PCDHA8: variants seen among roughly 807,000 people sequenced by gnomAD.
The protein encoded by PCDHA8 is protocadherin alpha 8.
PCDHA8 carries 53 observed loss-of-function variants against 61.8 expected under a neutral mutation model. That is an observed-to-expected ratio of 0.86 (90% CI 0.69 to 1.08). The LOEUF is 1.08. Among genes scored for constraint, PCDHA8 ranks in the 50% least tolerant of loss-of-function variants. The pLI is 0.00. For missense variants in PCDHA8, 1,293 were observed against 1,245.0 expected, an observed-to-expected ratio of 1.04 and a Z score of -0.58; for synonymous variants, 618 against 556.6, an observed-to-expected ratio of 1.11 and a Z score of -1.55.
intron 1 of PCDHA8, chr5:140,869,446 C>A (rs2051137912): frequency 1.2e-6 from 2 of 1,614,070 alleles, no homozygotes; most frequent in Admixed American, 1.7e-5. Context: ...CAGGCCGCTG[C>A]AGGTTTTCCA....
rs17119334 is a variant in PCDHA8, at chr5:140,988,093, G to A, written c.2542+5530G>A. On this transcript the variant is annotated intron_variant, in intron 3 of 3. Coordinates refer to ENST00000531613, the MANE Select transcript of PCDHA8 (RefSeq NM_018911.3). ...CTATTTCATGAGTGAGTGCAGCCTCGGGCCTTGTTGGAGAATTTAGAAAGC... is the reference window on the plus strand; with the variant it reads ...CTATTTCATGAGTGAGTGCAGCCTCAGGCCTTGTTGGAGAATTTAGAAAGC... Among the ~76,000 whole-genome samples the A allele has an allele frequency of 6.9e-3, 1,055 of 152,154 alleles. 47 individuals are homozygous for A. The East Asian group carries it at 0.14, about 21-fold the overall frequency.
At chr5:140,844,807 A>G (rs2150373870) in intron 1 of PCDHA8, among the ~76,000 whole-genome samples, 3 of 148,778 alleles carry the variant, frequency 2.0e-5, no homozygotes, top group Non-Finnish European at 3.0e-5. Context: ...TCTTTCTTTT[A>G]TTTCTTCTTG....
chr5:141,010,031 A>G lies in PCDHA8; in HGVS notation c.*94A>G, dbSNP rs113710382. The stretch of plus-strand genomic sequence containing the variant: ...TTCCCTGCTCCTTTTTCCTATCTAC[A>G]TGAGCCCTCTTAGAGACCTCAGAAA... On this transcript the variant is annotated 3_prime_UTR_variant, in exon 4 of 4. Transcript: ENST00000531613. 1.9e-6 allele frequency: 3 copies of G among 1,581,690 alleles called. No individual in the cohort carries two copies. The highest frequency in any genetic ancestry group is 2.6e-6 in the Non-Finnish European group (3 of 1,166,446).
intron 1 of PCDHA8, among the ~76,000 whole-genome samples, chr5:140,961,914 C>T (rs192184): frequency 0.56 from 84,843 of 150,390 alleles, 24,472 homozygotes; most frequent in African/African-American, 0.69. Context: ...GATGGAGTCT[C>T]GCTCTGTTGC....
intron 1 of PCDHA8, among the ~76,000 whole-genome samples, chr5:140,914,496 C>A (rs782459538): frequency 1.2e-4 from 19 of 152,136 alleles, no homozygotes; most frequent in Non-Finnish European, 4.4e-5. Context: ...TTGTGGGCAA[C>A]AGATCATTGG....
chr5:140,940,253 A>G (rs1216858680), intron 1 of PCDHA8, among the ~76,000 whole-genome samples: 1 of 152,124 alleles, frequency 6.6e-6, no homozygotes, highest in Middle Eastern at 3.2e-3. Context: ...CCTCCTCAAT[A>G]TCTTCTGGGT....
intron 1 of PCDHA8, chr5:140,968,757 A>G (rs1488596963): frequency 6.2e-7 from 1 of 1,614,204 alleles, no homozygotes; most frequent in Non-Finnish European, 8.5e-7. Flanking sequence ...GTGGTCCGAG[A>G]TAATGGAGAG....
At chr5:140,872,485 G>A (rs978511800) in intron 1 of PCDHA8, among the ~76,000 whole-genome samples, 1 of 152,080 alleles carries the variant, frequency 6.6e-6, no homozygotes, top group Non-Finnish European at 1.5e-5. Flanking sequence ...AAATTAGCCA[G>A]ACCTAGTGGT....
At chr5:140,852,689 T>C (rs993759166) in intron 1 of PCDHA8, 1 of 972,400 alleles carries the variant, frequency 1.0e-6, no homozygotes, top group Non-Finnish European at 1.2e-6. Flanking sequence ...AATATAGTCT[T>C]ATACTTTCAA....
At chr5:140,925,671 A>AATAATAATG (rs1445697337) in intron 1 of PCDHA8, among the ~76,000 whole-genome samples, 20 of 148,150 alleles carry the variant, frequency 1.3e-4, no homozygotes, top group African/African-American at 5.0e-4. Context: ...TAATAATAAT[A>AATAATAATG]ATAATAAAGC....
chr5:140,889,080 A>G (rs2062092798), intron 1 of PCDHA8, among the ~76,000 whole-genome samples: 1 of 151,888 alleles, frequency 6.6e-6, no homozygotes, highest in Non-Finnish European at 1.5e-5. Flanking sequence ...ATTTTGTTAA[A>G]TTTTCAAAAC....
intron 1 of PCDHA8, among the ~76,000 whole-genome samples, chr5:140,912,310 A>G (rs936183695): frequency 4.0e-5 from 6 of 151,764 alleles, no homozygotes; most frequent in African/African-American, 1.2e-4. Context: ...AATCCAGTCA[A>G]GTTGACCCTC....
chr5:140,884,418 T>C, intron 1 of PCDHA8: 2 of 1,613,974 alleles, frequency 1.2e-6, no homozygotes, highest in South Asian at 2.2e-5. Flanking sequence ...ACGTTGCTGC[T>C]GTATACTGCG....
At chr5:140,924,572 A>G (rs1345446158) in intron 1 of PCDHA8, among the ~76,000 whole-genome samples, 1 of 152,132 alleles carries the variant, frequency 6.6e-6, no homozygotes, top group African/African-American at 2.4e-5. Flanking sequence ...CAATTTTTAA[A>G]TGTTTTCAAA....
Position 141,009,656 on chromosome 5 carries a change from G to T in PCDHA8, c.2572G>T (p.Val858Phe). The T allele has an allele frequency of 6.2e-7, 1 of 1,614,000 alleles. No individual in the cohort carries two copies. The highest frequency in any genetic ancestry group is 8.5e-7 in the Non-Finnish European group (1 of 1,179,978). Residue 858 changes from valine (V) to phenylalanine (F), a missense_variant, in exon 4 of 4, where the codon GTC (valine) becomes TTC (phenylalanine). Physicochemically the swap from Val to Phe is conservative, Grantham distance 50. Coordinates refer to ENST00000531613, the MANE Select transcript of PCDHA8 (RefSeq NM_018911.3). The stretch of plus-strand genomic sequence containing the variant: ...AGAGGCAGGAGAAGTGTCCCCTCCA[G>T]TCGGTGCGGGTGTCAACAGCAACAG... Reference protein sequence around the residue: ...EPEAGEVSPPVGAGVNSNSWT... With the variant: ...EPEAGEVSPPFGAGVNSNSWT...
At chr5:140,866,161 G>A (rs782713244) in intron 1 of PCDHA8, 17 of 152,170 alleles carry the variant, frequency 1.1e-4, no homozygotes, top group East Asian at 1.9e-4. Context: ...AGTAAGAATC[G>A]TTTAACATGT....
At chr5:140,969,342 G>A in intron 1 of PCDHA8, 1 of 1,613,630 alleles carries the variant, frequency 6.2e-7, no homozygotes, top group Non-Finnish European at 8.5e-7. Flanking sequence ...GTGAGACAGT[G>A]GTCAGGGGGT....
intron 3 of PCDHA8, among the ~76,000 whole-genome samples, chr5:140,991,081 AAAATT>A (rs782742337): frequency 6.6e-6 from 1 of 152,236 alleles, no homozygotes. Flanking sequence ...TTCAGATAAA[AAAATT>A]AAAGCTCATA....
intron 1 of PCDHA8, among the ~76,000 whole-genome samples, chr5:140,902,415 G>T (rs887303649): frequency 1.3e-5 from 2 of 152,060 alleles, no homozygotes; most frequent in South Asian, 4.1e-4. Context: ...TTGAATAACA[G>T]TGGTGAAAGT....
Sources: gnomAD v4.1 joint callset for allele counts (sites outside exome capture counted in the v4.1 genomes callset) on GRCh38, gnomAD v4.1.1 for gene constraint, MANE v1.5 for transcripts, NCBI Gene and HGNC (gene_info 2026-07-23, HGNC 2026-07-21) for gene names.